Variants in PAPPA2 observed in about 807,000 individuals in gnomAD.
PAPPA2 encodes the protein pappalysin-2.
In PAPPA2, 86 loss-of-function variants were observed where a neutral mutation model predicts 176.4. The ratio of observed to expected loss-of-function variants is 0.49; its 90% confidence interval spans 0.41 to 0.58. The LOEUF (loss-of-function observed/expected upper bound fraction) is 0.58. PAPPA2 is among the 20% of genes least tolerant of loss of function. The pLI is 0.00. For missense variants in PAPPA2, 2,073 were observed against 2,256.9 expected (o/e 0.92, Z 1.65); for synonymous variants, 809 against 852.2 (o/e 0.95, Z 0.88).
In PAPPA2 at chr1:176,594,965, T is replaced by G. The variant is rs1195950652; in HGVS notation, c.1361T>G (p.Leu454Trp). 1 of 1,614,200 alleles carries G rather than the reference T, an allele frequency of 6.2e-7. No homozygotes were observed. Among genetic ancestry groups the G allele is most frequent in the Admixed American group, 1.7e-5 (1 of 60,026 alleles). The change falls in exon 3 of 23, where the codon TTG becomes TGG. Residue 454 changes from leucine (L) to tryptophan (W), a missense_variant. By Grantham distance (61) the Leu-to-Trp change is moderately conservative. Around this residue, in one of 4 missense-constraint regions of PAPPA2, gnomAD observed 1,196 missense variants for 1,330.4 expected, o/e 0.90. Transcript: ENST00000367662. Reference protein sequence around the residue: ...HSSGEEEATDLVLTASFEPVN... With the variant: ...HSSGEEEATDWVLTASFEPVN... ...AGTGGGGAGGAGGAAGCGACTGACT[T>G]GGTCCTGACAGCGAGCTTTGAGCCT...
chr1:176,565,322 C>T (rs1451989273), intron 2 of PAPPA2, among the ~76,000 whole-genome samples: 2 of 152,118 alleles, frequency 1.3e-5, no homozygotes, highest in Non-Finnish European at 2.9e-5. Flanking sequence ...TGAGGCTCTA[C>T]CAGACTACCA....
intron 12 of PAPPA2, among the ~76,000 whole-genome samples, chr1:176,731,374 G>T (rs891612009): frequency 6.6e-6 from 1 of 151,792 alleles, no homozygotes; most frequent in African/African-American, 2.4e-5. Context: ...ATCTTGGCTC[G>T]CTGCAACCCC....
chr1:176,616,512 C>T (rs1655267252), intron 3 of PAPPA2: 2 of 1,132,978 alleles, frequency 1.8e-6, no homozygotes, highest in South Asian at 1.3e-5. Flanking sequence ...AGGTTCTTCA[C>T]AAAACTTAAT....
chr1:176,475,406 C>T lies in PAPPA2; in HGVS notation c.-917+11988C>T, dbSNP rs1652066449. Among the ~76,000 whole-genome samples the T allele has an allele frequency of 2.0e-5, 3 of 152,286 alleles. No individual in the cohort carries two copies. The South Asian group carries it at 6.2e-4, about 32-fold the overall frequency. ...AAAAGCCCAGATTCTCTGCTCTTGG[C>T]CCAACATAAGTTGTTACTGGCCTCA... On this transcript the variant is annotated intron_variant, in intron 1 of 22. Transcript: ENST00000367662.
intron 5 of PAPPA2, among the ~76,000 whole-genome samples, 172 bp from the exon 6 acceptor site, chr1:176,691,954 A>C (rs1435878085): frequency 1.3e-5 from 2 of 152,172 alleles, no homozygotes; most frequent in Non-Finnish European, 1.5e-5. Flanking sequence ...TACCCTTTCC[A>C]GCTTAGACCC....
intron 3 of PAPPA2, among the ~76,000 whole-genome samples, chr1:176,628,685 T>C (rs1656171436): frequency 6.6e-6 from 1 of 152,206 alleles, no homozygotes; most frequent in African/African-American, 2.4e-5. Context: ...GAGGTAGATA[T>C]GATGAACTGT....
intron 3 of PAPPA2, among the ~76,000 whole-genome samples, chr1:176,621,745 GGCCTGTCT>G (rs1483939768): frequency 2.0e-5 from 3 of 151,890 alleles, no homozygotes; most frequent in Non-Finnish European, 4.4e-5. Context: ...CAGGTTCAAT[GGCCTGTCT>G]GTTATAGTAA....
At chr1:176,696,153 G>A (rs1229553544) in intron 7 of PAPPA2, among the ~76,000 whole-genome samples, 1 of 152,044 alleles carries the variant, frequency 6.6e-6, no homozygotes, top group East Asian at 1.9e-4. Flanking sequence ...CTCAGGGTGT[G>A]ACTTCAGGGT....
At chr1:176,688,213 G>C (rs1308397413) in intron 4 of PAPPA2, among the ~76,000 whole-genome samples, 1 of 152,206 alleles carries the variant, frequency 6.6e-6, no homozygotes, top group Non-Finnish European at 1.5e-5. Context: ...CATATGTACA[G>C]AGTAGAAGTG....
chr1:176,686,520 A>G (rs1047965194), intron 4 of PAPPA2, among the ~76,000 whole-genome samples: 3 of 152,170 alleles, frequency 2.0e-5, no homozygotes, highest in Non-Finnish European at 4.4e-5. Flanking sequence ...CAGCCAAACT[A>G]TATCACCATT....
chr1:176,671,649 T>G (rs531108278), intron 4 of PAPPA2, among the ~76,000 whole-genome samples: 2 of 152,144 alleles, frequency 1.3e-5, no homozygotes, highest in African/African-American at 4.8e-5. Flanking sequence ...TAGCAAAGAC[T>G]TGGAATCAAC....
At chr1:176,829,598 C>A (rs1370518672) in intron 21 of PAPPA2, among the ~76,000 whole-genome samples, 1 of 152,216 alleles carries the variant, frequency 6.6e-6, no homozygotes, top group Non-Finnish European at 1.5e-5. Context: ...GGATCAAAGT[C>A]CAAACAGGAC....
At chr1:176,472,733 C>T (rs1651940103) in intron 1 of PAPPA2, among the ~76,000 whole-genome samples, 1 of 152,094 alleles carries the variant, frequency 6.6e-6, no homozygotes, top group African/African-American at 2.4e-5. Flanking sequence ...TAGGTTTTTA[C>T]AAGCATAACA....
Position 176,556,280 on chromosome 1 carries a change from C to A in PAPPA2, c.-43C>A. 1 of 1,582,740 alleles carries A rather than the reference C, an allele frequency of 6.3e-7. No individual in the cohort carries two copies. On this transcript the variant is annotated 5_prime_UTR_variant, in exon 2 of 23. Coordinates refer to ENST00000367662, the MANE Select transcript of PAPPA2 (RefSeq NM_020318.3). ...TCTGCCCATCACTCTGGTGTGGTAC[C>A]CAGAAGTTGACTTCTGGTTCTGTAG...
chr1:176,612,748 A>G (rs1259599662), intron 3 of PAPPA2, among the ~76,000 whole-genome samples: 1 of 152,200 alleles, frequency 6.6e-6, no homozygotes, highest in Non-Finnish European at 1.5e-5. Flanking sequence ...TTAAAGAATC[A>G]GTTTTGATTC....
intron 2 of PAPPA2, among the ~76,000 whole-genome samples, chr1:176,565,511 A>C (rs1451599980): frequency 6.6e-6 from 1 of 152,152 alleles, no homozygotes; most frequent in African/African-American, 2.4e-5. Context: ...CCTGGGAAAT[A>C]TGACGAAACC....
chr1:176,468,093 A>G (rs1651709247), intron 1 of PAPPA2, among the ~76,000 whole-genome samples: 1 of 152,150 alleles, frequency 6.6e-6, no homozygotes, highest in Admixed American at 6.5e-5. Flanking sequence ...CATTTATCTC[A>G]AGGTTTGTGG....
At chr1:176,675,337 A>C (rs1422869254) in intron 4 of PAPPA2, among the ~76,000 whole-genome samples, 1 of 152,086 alleles carries the variant, frequency 6.6e-6, no homozygotes, top group Non-Finnish European at 1.5e-5. Flanking sequence ...CCAAACAAAC[A>C]AATCATACAC....
intron 2 of PAPPA2, 81 bp downstream of exon 2, chr1:176,557,322 G>C: frequency 6.9e-7 from 1 of 1,440,864 alleles, no homozygotes; most frequent in Admixed American, 2.4e-5. Context: ...TAGGGAGCGA[G>C]GATGGGAAGG....
Sources: allele counts gnomAD v4.1 joint callset (sites outside exome capture counted in the v4.1 genomes callset), GRCh38; gene constraint gnomAD v4.1.1; regional missense constraint gnomAD v4.1.1; transcripts MANE v1.5; gene names NCBI Gene and HGNC (gene_info 2026-07-23, HGNC 2026-07-21).